GMDS: variants seen among roughly 807,000 people sequenced by gnomAD.
GMDS encodes the protein GDP-mannose 4,6-dehydratase, also known as GDP-mannose 4,6 dehydratase.
Under a neutral mutation model 49.9 loss-of-function variants are expected in GMDS, and 20 were observed. That is an observed-to-expected ratio of 0.40 (90% confidence interval 0.28 to 0.58). The LOEUF is 0.58. GMDS is among the 20% of genes least tolerant of loss of function. GMDS has a pLI of 0.42. For synonymous variants in GMDS, 177 were observed against 178.6 expected, an observed-to-expected ratio of 0.99 and a Z score of 0.07; for missense variants, 362 against 481.4, an observed-to-expected ratio of 0.75 and a Z score of 2.32.
chr6:1,955,482 GTTATTC>G (rs1057315770), intron 6 of GMDS, among the ~76,000 whole-genome samples: 4 of 152,062 alleles, frequency 2.6e-5, no homozygotes, highest in Non-Finnish European at 4.4e-5. Flanking sequence ...CTAAAATTCT[GTTATTC>G]TTATTAATTT....
At chr6:1,659,283 T>A (rs1264161647) in intron 9 of GMDS, among the ~76,000 whole-genome samples, 3 of 152,044 alleles carry the variant, frequency 2.0e-5, no homozygotes, top group African/African-American at 7.3e-5. Context: ...ACTGCACGAT[T>A]CAGTGGCCTT....
intron 9 of GMDS, among the ~76,000 whole-genome samples, chr6:1,702,413 A>G (rs1036863062): frequency 8.5e-5 from 13 of 152,238 alleles, no homozygotes; most frequent in African/African-American, 3.1e-4. Flanking sequence ...TGCCCATTTA[A>G]GAGCTTGATG....
chr6:2,210,467 G>A (rs1188395949), intron 1 of GMDS, among the ~76,000 whole-genome samples: 2 of 152,192 alleles, frequency 1.3e-5, no homozygotes, highest in Non-Finnish European at 2.9e-5. Context: ...CTTTCCTGGT[G>A]TAACGCAGCC....
chr6:2,005,997 C>G (rs1767141061), intron 4 of GMDS, among the ~76,000 whole-genome samples: 1 of 152,114 alleles, frequency 6.6e-6, no homozygotes. Flanking sequence ...TCACAGTCAC[C>G]TACCATTTTA....
At chr6:2,036,043 C>T (rs968617613) in intron 4 of GMDS, among the ~76,000 whole-genome samples, 1 of 152,070 alleles carries the variant, frequency 6.6e-6, no homozygotes, top group African/African-American at 2.4e-5. Flanking sequence ...GGCAGCCTGG[C>T]CTGGGCGACT....
chr6:1,721,844 C>T (rs1766395965), intron 9 of GMDS, among the ~76,000 whole-genome samples: 2 of 152,132 alleles, frequency 1.3e-5, no homozygotes, highest in African/African-American at 4.8e-5. Flanking sequence ...CACAATATTT[C>T]TGTACTACTT....
intron 7 of GMDS, among the ~76,000 whole-genome samples, chr6:1,747,885 A>C (rs936019370): frequency 1.3e-5 from 2 of 152,312 alleles, no homozygotes; most frequent in Admixed American, 1.3e-4. Context: ...GCTGTGTCAC[A>C]CGGATTCCTT....
rs192689406 is a variant in GMDS at position 2,077,001 on chromosome 6, C to G, written c.345+38770G>C. ...ATCCATCTTTTGTAGTTTGCTTTGT[C>G]GAAATCTTTACCTCCTTGGTTAAAT... On this transcript the variant is annotated intron_variant, in intron 4 of 10. Coordinates refer to ENST00000380815, the MANE Select transcript of GMDS (RefSeq NM_001500.4). 2.1e-3 allele frequency among the ~76,000 whole-genome samples: 317 copies of G among 152,158 alleles called. 2 individuals are homozygous for G. Among genetic ancestry groups the G allele is most frequent in the Middle Eastern group, 0.01 (3 of 294 alleles).
At chr6:1,881,355 T>G (rs1277765367) in intron 7 of GMDS, among the ~76,000 whole-genome samples, 2 of 152,168 alleles carry the variant, frequency 1.3e-5, no homozygotes, top group Non-Finnish European at 2.9e-5. Flanking sequence ...GCTTGAAGAA[T>G]CTAACTTACA....
chr6:1,828,374 G>C (rs1771215585), intron 7 of GMDS, among the ~76,000 whole-genome samples: 1 of 152,258 alleles, frequency 6.6e-6, no homozygotes, highest in South Asian at 2.1e-4. Context: ...GCCAGAAAGT[G>C]TATTTGAAGA....
intron 1 of GMDS, among the ~76,000 whole-genome samples, chr6:2,129,279 C>T (rs1433892109): frequency 1.3e-5 from 2 of 152,126 alleles, no homozygotes; most frequent in African/African-American, 4.8e-5. Flanking sequence ...ACACACACCC[C>T]ATCCCAACAC....
At chr6:2,064,978 G>C (rs1197287908) in intron 4 of GMDS, among the ~76,000 whole-genome samples, 4 of 152,166 alleles carry the variant, frequency 2.6e-5, no homozygotes, top group Non-Finnish European at 5.9e-5. Context: ...GGCACAGAAA[G>C]GGCTCAAAAA....
chr6:2,034,145 C>G (rs764316516), intron 4 of GMDS, among the ~76,000 whole-genome samples: 16 of 152,068 alleles, frequency 1.1e-4, no homozygotes, highest in Admixed American at 4.6e-4. Flanking sequence ...TAAATATGTG[C>G]ACTTATCTTC....
intron 4 of GMDS, among the ~76,000 whole-genome samples, chr6:2,084,079 T>TA (rs1487206809): frequency 5.9e-5 from 9 of 152,352 alleles, no homozygotes; most frequent in South Asian, 2.1e-4. Context: ...CTACACTTTA[T>TA]ATTTTAGGTA....
chr6:1,731,256 A>C (rs1044440801), intron 8 of GMDS, among the ~76,000 whole-genome samples: 3 of 152,262 alleles, frequency 2.0e-5, no homozygotes, highest in African/African-American at 7.2e-5. Flanking sequence ...GCCTCAGGGC[A>C]GTCAGTATAA....
chr6:1,848,151 A>G (rs1266140660), intron 7 of GMDS, among the ~76,000 whole-genome samples: 1 of 152,164 alleles, frequency 6.6e-6, no homozygotes, highest in African/African-American at 2.4e-5. Flanking sequence ...TACAGAGTGA[A>G]GCATGGACTT....
At chr6:1,953,878 TTAA>T (rs1191889689) in intron 6 of GMDS, among the ~76,000 whole-genome samples, 2 of 152,164 alleles carry the variant, frequency 1.3e-5, no homozygotes, top group Non-Finnish European at 2.9e-5. Flanking sequence ...TATATAATAA[TTAA>T]TATCTTTATG....
intron 7 of GMDS, among the ~76,000 whole-genome samples, chr6:1,866,395 A>C (rs1043025907): frequency 2.6e-5 from 4 of 152,210 alleles, no homozygotes; most frequent in African/African-American, 9.6e-5. Context: ...AGAGGGGAAA[A>C]AAGGCTTAAA....
At chr6:1,823,319 A>G (rs1241303036) in intron 7 of GMDS, among the ~76,000 whole-genome samples, 3 of 152,174 alleles carry the variant, frequency 2.0e-5, no homozygotes, top group African/African-American at 7.2e-5. Flanking sequence ...TATTATCTCT[A>G]ATTTCTCACA....
Sources: gnomAD v4.1 joint callset for allele counts (sites outside exome capture counted in the v4.1 genomes callset) on GRCh38, gnomAD v4.1.1 for gene constraint, MANE v1.5 for transcripts, NCBI Gene and HGNC (gene_info 2026-07-23, HGNC 2026-07-21) for gene names.